UTP6: variants seen among roughly 807,000 people sequenced by gnomAD.
UTP6 encodes U3 small nucleolar RNA-associated protein 6 homolog.
A neutral mutation model predicts 96.5 loss-of-function variants in UTP6; 60 were observed. The observed-to-expected ratio is 0.62, with a 90% CI of 0.51 to 0.77. The LOEUF is 0.77. Ranked by LOEUF, UTP6 falls within the 30% of genes least tolerant of loss-of-function variation. The pLI, the probability that UTP6 is intolerant of heterozygous loss-of-function variation, is 0.00. For synonymous variants in UTP6, 215 were observed against 240.1 expected (o/e 0.90, Z 0.96); for missense variants, 637 against 706.5 (o/e 0.90, Z 1.12).
At chr17:31,901,460 C>A (rs1286055575) in intron 1 of UTP6, 76 bp downstream of exon 1, 13 of 1,410,714 alleles carry the variant, frequency 9.2e-6, no homozygotes, top group African/African-American at 1.4e-5. Context: ...AGCGTCCCCA[C>A]ATCTAGCCCC....
At position 31,873,362 on chromosome 17, in the gene UTP6, G is replaced by T; in HGVS notation, c.1496+16C>A. The T allele has an allele frequency of 6.2e-7, 1 of 1,612,836 alleles. No homozygotes were observed. The highest frequency in any genetic ancestry group is 8.5e-7 in the Non-Finnish European group (1 of 1,178,988). On this transcript the variant is annotated intron_variant, in intron 16 of 18. Coordinates refer to ENST00000261708, the MANE Select transcript of UTP6 (RefSeq NM_018428.3). ...GGGTAGAGGGACTAGTAACAACTAT[G>T]AACGTCTGTGAGTACCTTTTAAACA...
chr17:31,895,545 T>C (rs1049424553), intron 2 of UTP6, among the ~76,000 whole-genome samples: 2 of 152,140 alleles, frequency 1.3e-5, no homozygotes, highest in African/African-American at 2.4e-5. Flanking sequence ...TTTTGTTTTG[T>C]TTTTTTGAGA....
rs963904092 is a variant in UTP6, at chr17:31,880,659, G to C, written c.881C>G (p.Thr294Arg). The C allele has an allele frequency of 1.2e-6, 2 of 1,613,932 alleles. No homozygotes were observed. Among genetic ancestry groups the C allele is most frequent in the African/African-American group, 1.3e-5 (1 of 74,880 alleles). The change falls in exon 11 of 19, where the codon ACG becomes AGG. Residue 294 changes from threonine to arginine, a missense_variant. Coordinates refer to ENST00000261708, the MANE Select transcript of UTP6 (RefSeq NM_018428.3). ...GACCTCCACTGCTTTGGCTTGTTTC[G>C]TTGTAGGCTGCTCTTCTGTCTGTGA... ...IESQTEEQPT[T>R]KQAKAVEVGR...
chr17:31,866,148 G>C (rs191019129), intron 17 of UTP6, among the ~76,000 whole-genome samples: 1 of 151,816 alleles, frequency 6.6e-6, no homozygotes, highest in East Asian at 1.9e-4. Flanking sequence ...TTAGCCAGGC[G>C]TGGTGGCGGG....
intron 16 of UTP6, among the ~76,000 whole-genome samples, chr17:31,871,828 GT>G (rs1374466564): frequency 6.6e-6 from 1 of 151,978 alleles, no homozygotes; most frequent in African/African-American, 2.4e-5. Context: ...GGAAGGCAGA[GT>G]TTGCAGTGAG....
chr17:31,900,644 T>C (rs1363188210), intron 1 of UTP6, among the ~76,000 whole-genome samples: 2 of 152,190 alleles, frequency 1.3e-5, no homozygotes, highest in Admixed American at 6.6e-5. Flanking sequence ...ATTTTAATAA[T>C]AAATTTCTTT....
Position 31,899,850 on chromosome 17 carries a change from A to G in UTP6, c.93-120T>C, listed in dbSNP as rs1598124171. On this transcript the variant is annotated intron_variant, in intron 1 of 18. Coordinates refer to ENST00000261708, the MANE Select transcript of UTP6 (RefSeq NM_018428.3). ...CGAAATTCCTAGAGTTATCTTTCAT[A>G]AGAAAGTATTATCGGCCGGACACAG... 1.2e-5 allele frequency: 9 copies of G among 761,054 alleles called. No homozygotes were observed. The East Asian group carries it at 2.8e-4, about 24-fold the overall frequency. The allele number at this position is 761,054 out of a possible 1,614,324, so 47.1% of individuals were successfully genotyped here.
In UTP6 at chr17:31,887,530, T is replaced by G. The variant is rs934533422; in HGVS notation, c.544-217A>C. The G allele has an allele frequency of 3.0e-5, 14 of 462,748 alleles. No individual in the cohort carries two copies. In the East Asian group the frequency reaches 5.0e-4, roughly 16 times the overall value. The allele number at this position is 462,748 out of a possible 1,614,324, so 28.7% of individuals were successfully genotyped here. On this transcript the variant is annotated intron_variant, in intron 7 of 18. Coordinates refer to ENST00000261708, the MANE Select transcript of UTP6 (RefSeq NM_018428.3). ...ACTCAGATAATTTTTTTATTTTTAT[T>G]TTTTGTAGAGACAGGATCTTGCTAC... is the stretch of plus-strand genomic sequence containing the variant.
chr17:31,894,595 T>C, intron 4 of UTP6, 50 bp downstream of exon 4: 1 of 1,296,530 alleles, frequency 7.7e-7, no homozygotes, highest in South Asian at 1.3e-5. Flanking sequence ...ACAATATGTA[T>C]AATACTTATC....
chr17:31,875,934 A>AT (rs1184016719), intron 13 of UTP6, among the ~76,000 whole-genome samples: 2 of 152,070 alleles, frequency 1.3e-5, no homozygotes, highest in Non-Finnish European at 2.9e-5. Flanking sequence ...AATTTCTCCT[A>AT]TTTTCACTGC....
At chr17:31,883,220 A>C (rs1053113708) in intron 10 of UTP6, among the ~76,000 whole-genome samples, 2 of 152,036 alleles carry the variant, frequency 1.3e-5, no homozygotes, top group African/African-American at 2.4e-5. Flanking sequence ...AAAAAGAATA[A>C]AATTACCAGC....
rs774728283 is a variant in UTP6 at position 31,873,720 on chromosome 17, A to C, written c.1339T>G (p.Trp447Gly). 1 of 1,610,988 alleles carries C rather than the reference A, an allele frequency of 6.2e-7. No individual in the cohort carries two copies. Among genetic ancestry groups the C allele is most frequent in the South Asian group, 1.1e-5 (1 of 90,582 alleles). Residue 447 changes from tryptophan to glycine, a missense_variant, in exon 15 of 19, where the codon TGG becomes GGG. Trp to Gly is a radical substitution (Grantham distance 184). Coordinates refer to ENST00000261708, the MANE Select transcript of UTP6 (RefSeq NM_018428.3). ...CLPLWISWAE[W>G]SEGAKSQEDT... ...TCTTGGCTTTTGGCACCTTCACTCCACTCTGCCCAGGAAATCCACAATGGC... is the reference window on the plus strand; with the variant it reads ...TCTTGGCTTTTGGCACCTTCACTCCCCTCTGCCCAGGAAATCCACAATGGC...
intron 16 of UTP6, chr17:31,873,158 G>T (rs1910287232): frequency 4.8e-6 from 2 of 419,366 alleles, no homozygotes; most frequent in East Asian, 4.5e-5. Context: ...GGAAGCCGAG[G>T]CAGGAGAATC....
intron 5 of UTP6, among the ~76,000 whole-genome samples, 187 bp from the exon 6 acceptor site, chr17:31,892,510 A>C (rs1904380024): frequency 6.6e-6 from 1 of 152,240 alleles, no homozygotes; most frequent in Non-Finnish European, 1.5e-5. Flanking sequence ...AAACACTTTA[A>C]ATATCTTTTT....
At position 31,900,547 on chromosome 17, in the gene UTP6, C is replaced by T. The variant is rs577145336; in HGVS notation, c.93-817G>A. On this transcript the variant is annotated intron_variant, in intron 1 of 18. Transcript: ENST00000261708. Reference sequence around the variant, plus strand: ...CCTCGTGATCCACCCACCTCGGCCTCCCAAAGTGCTGGGATTACAGGCGTG... The same window carrying T: ...CCTCGTGATCCACCCACCTCGGCCTTCCAAAGTGCTGGGATTACAGGCGTG... Among the ~76,000 whole-genome samples the T allele has an allele frequency of 4.6e-5, 7 of 152,286 alleles. No homozygotes were observed. The East Asian group carries it at 1.4e-3, about 29-fold the overall frequency.
chr17:31,896,163 C>T (rs1241367743), intron 2 of UTP6, among the ~76,000 whole-genome samples: 2 of 151,736 alleles, frequency 1.3e-5, no homozygotes, highest in South Asian at 4.2e-4. Flanking sequence ...CTGCAACCTC[C>T]GCCTCCCGGA....
intron 10 of UTP6, among the ~76,000 whole-genome samples, chr17:31,883,460 T>C (rs1430918798): frequency 6.6e-6 from 1 of 151,206 alleles, no homozygotes; most frequent in African/African-American, 2.4e-5. Flanking sequence ...GGATTACAGG[T>C]ATGCGCCACC....
intron 16 of UTP6, among the ~76,000 whole-genome samples, chr17:31,870,509 GTTTTGGTTTTTTT>G (rs1243817612): frequency 5.4e-4 from 79 of 145,364 alleles, no homozygotes; most frequent in South Asian, 1.3e-3. Context: ...TGTTGTTGTT[GTTTTGGTTTTTTT>G]TTTTGGTTTT....
chr17:31,871,686 G>T (rs547086744), intron 16 of UTP6, among the ~76,000 whole-genome samples: 1 of 152,144 alleles, frequency 6.6e-6, no homozygotes, highest in East Asian at 1.9e-4. Context: ...TTGGGCCCAG[G>T]AGTTCAAGAC....
Sources: allele counts gnomAD v4.1 joint callset (sites outside exome capture counted in the v4.1 genomes callset), GRCh38; gene constraint gnomAD v4.1.1; transcripts MANE v1.5; gene names NCBI Gene and HGNC (gene_info 2026-07-23, HGNC 2026-07-21).